Variants in FBXO48 observed in about 807,000 individuals in gnomAD.
The protein encoded by FBXO48 is F-box only protein 48.
In FBXO48, 12 loss-of-function variants were observed where a neutral mutation model predicts 14.3. The ratio of observed to expected loss-of-function variants is 0.84; its 90% confidence interval spans 0.54 to 1.36. FBXO48 has a LOEUF of 1.36. FBXO48 is among the 40% of genes most tolerant of loss of function. FBXO48 has a pLI of 0.00. For missense variants in FBXO48, 177 were observed against 179.1 expected (o/e 0.99, Z 0.07); for synonymous variants, 53 against 61.7 (o/e 0.86, Z 0.66).
chr2:68,465,162 T>A lies in FBXO48; in HGVS notation c.-17A>T, dbSNP rs1268779896. On this transcript the variant is annotated 5_prime_UTR_variant, in exon 3 of 4. Transcript: ENST00000377957. ...TTTATGCATAGCTTAATGTTTTAAG[T>A]TATCCTCATATGTAACCTAAAAGGC... 11 of 1,569,018 alleles carry A rather than the reference T, an allele frequency of 7.0e-6. No individual in the cohort carries two copies. The highest frequency in any genetic ancestry group is 9.5e-6 in the Non-Finnish European group (11 of 1,154,160).
chr2:68,465,156 T>G lies in FBXO48; in HGVS notation c.-11A>C. The G allele has an allele frequency of 8.9e-6, 14 of 1,580,396 alleles. No homozygotes were observed. Among genetic ancestry groups the G allele is most frequent in the Non-Finnish European group, 1.2e-5 (14 of 1,161,118 alleles). ...GGAGTTTTTATGCATAGCTTAATGTTTTAAGTTATCCTCATATGTAACCTA... is the reference window on the plus strand; with the variant it reads ...GGAGTTTTTATGCATAGCTTAATGTGTTAAGTTATCCTCATATGTAACCTA... On this transcript the variant is annotated 5_prime_UTR_variant, in exon 3 of 4. Transcript: ENST00000377957.
chr2:68,465,022 T>C lies in FBXO48; in HGVS notation c.124A>G (p.Ile42Val). 1 of 1,614,020 alleles carries C rather than the reference T, an allele frequency of 6.2e-7. No homozygotes were observed. The highest frequency in any genetic ancestry group is 1.1e-5 in the South Asian group (1 of 91,084). The change falls in exon 3 of 4, where the codon ATC becomes GTC. Residue 42 changes from isoleucine (I) to valine (V), a missense_variant. Transcript: ENST00000377957. ...AGCTGACTGAAAATTTTAAAAGTGA[T>C]TTCTGCAGGCAGCAGTTCAAAAAAG... ...NNFFELLPAE[I>V]TFKIFSQLDI...
rs1675234247 is a variant in FBXO48, at chr2:68,460,539, TA to T, written c.*3669del. 5.3e-5 allele frequency: 6 copies of T among 112,904 alleles called. No individual in the cohort carries two copies. The highest frequency in any genetic ancestry group is 3.2e-4 in the African/African-American group (5 of 15,392). 7.0% of individuals were successfully genotyped at this position (112,904 alleles called of 1,614,324 possible). On this transcript the variant is annotated 3_prime_UTR_variant, in exon 4 of 4. Coordinates refer to ENST00000377957, the MANE Select transcript of FBXO48 (RefSeq NM_001024680.3). Reference sequence around the variant, plus strand: ...ATCTTTGGATATATCAAATATTTTATATATATATATATATACTTATACTATC... The same window carrying T: ...ATCTTTGGATATATCAAATATTTTATTATATATATATATACTTATACTATC...
rs1267860649 is a variant in FBXO48 at position 68,461,359 on chromosome 2, C to A, written c.*2850G>T. On this transcript the variant is annotated 3_prime_UTR_variant, in exon 4 of 4. Transcript: ENST00000377957. ...GGCCGGACTGCGGACTGCAGTGGCG[C>A]AATCTCGGCTCACTGCAAGCTCCGC... The A allele has an allele frequency of 6.9e-6, 1 of 144,174 alleles. No homozygotes were observed. The highest frequency in any genetic ancestry group is 2.8e-5 in the African/African-American group (1 of 36,202). 8.9% of individuals were successfully genotyped at this position (144,174 alleles called of 1,614,324 possible).
rs1675255012 is a variant in FBXO48, at chr2:68,461,282, G to GTTTTTTT, written c.*2926_*2927insAAAAAAA. 6.2e-5 allele frequency: 8 copies of GTTTTTTT among 128,334 alleles called. No individual in the cohort carries two copies. Among genetic ancestry groups the GTTTTTTT allele is most frequent in the African/African-American group, 2.6e-4 (7 of 26,566 alleles). The allele number at this position is 128,334 out of a possible 1,614,324, so 7.9% of individuals were successfully genotyped here. On this transcript the variant is annotated 3_prime_UTR_variant, in exon 4 of 4. Transcript: ENST00000377957. Reference sequence around the variant, plus strand: ...ATTCTCTTACTTAAGATCCGTTTTCGTTTTCTTTTTTTTTTTTTTTTTTTT... The same window carrying GTTTTTTT: ...ATTCTCTTACTTAAGATCCGTTTTCGTTTTTTTTTTTCTTTTTTTTTTTTTTTTTTTT...
chr2:68,464,042 C>T lies in FBXO48; in HGVS notation c.*167G>A. 1 of 598,644 alleles carries T rather than the reference C, an allele frequency of 1.7e-6. No homozygotes were observed. Among genetic ancestry groups the T allele is most frequent in the Non-Finnish European group, 2.8e-6 (1 of 362,278 alleles). 37.1% of individuals were successfully genotyped at this position (598,644 alleles called of 1,614,324 possible). ...TTACAATAAAACCAGAAAAATTTTA[C>T]TAAAGTGCAAAACAAAAATAAAGCT... is the stretch of plus-strand genomic sequence containing the variant. On this transcript the variant is annotated 3_prime_UTR_variant, in exon 4 of 4. Transcript: ENST00000377957.
rs1675258985 is a variant in FBXO48 at position 68,461,317 on chromosome 2, T to A, written c.*2892A>T. On this transcript the variant is annotated 3_prime_UTR_variant, in exon 4 of 4. Coordinates refer to ENST00000377957, the MANE Select transcript of FBXO48 (RefSeq NM_001024680.3). ...TTTTTTTTTTTTTTTTGAGACGGAG[T>A]CTCGCTCTGTCGCCCAGGCCGGACT... 7.9e-6 allele frequency: 1 copy of A among 126,546 alleles called. No homozygotes were observed. The highest frequency in any genetic ancestry group is 1.6e-5 in the Non-Finnish European group (1 of 64,344). The allele number at this position is 126,546 out of a possible 1,614,324, so 7.8% of individuals were successfully genotyped here. A position where few individuals can be genotyped will look rare whatever the true frequency, so the allele number is the denominator to read the frequency against.
rs779332531 is a variant in FBXO48, at chr2:68,465,174, G to A, written c.-29C>T. The A allele has an allele frequency of 3.9e-6, 6 of 1,526,212 alleles. No homozygotes were observed. Among genetic ancestry groups the A allele is most frequent in the Middle Eastern group, 1.8e-4 (1 of 5,430 alleles). The allele number at this position is 1,526,212 out of a possible 1,614,324, so 94.5% of individuals were successfully genotyped here. A position where few individuals can be genotyped will look rare whatever the true frequency, so the allele number is the denominator to read the frequency against. On this transcript the variant is annotated 5_prime_UTR_variant, in exon 3 of 4. Coordinates refer to ENST00000377957, the MANE Select transcript of FBXO48 (RefSeq NM_001024680.3). ...TTAATGTTTTAAGTTATCCTCATAT[G>A]TAACCTAAAAGGCAAAATTTAAACA...
rs752041508 is a variant in FBXO48 at position 68,464,194 on chromosome 2, TG to T, written c.*14del. 6 of 1,610,226 alleles carry T rather than the reference TG, an allele frequency of 3.7e-6. No individual in the cohort carries two copies. The East Asian group carries it at 6.7e-5, about 18-fold the overall frequency. ...TAAACTTTCAAAGACCTGAGATTTG[TG>T]ATTTTTTTTCCCCTTATCTTTCCAG... On this transcript the variant is annotated 3_prime_UTR_variant, in exon 4 of 4. Transcript: ENST00000377957.
intron 1 of FBXO48, among the ~76,000 whole-genome samples, chr2:68,466,928 T>C (rs1463923399): frequency 6.6e-6 from 1 of 152,138 alleles, no homozygotes; most frequent in Non-Finnish European, 1.5e-5. Context: ...GAGGGATAGA[T>C]CGGCGGCAGC....
Position 68,462,840 on chromosome 2 carries a change from G to A in FBXO48, c.*1369C>T. On this transcript the variant is annotated 3_prime_UTR_variant, in exon 4 of 4. Transcript: ENST00000377957. Reference sequence around the variant, plus strand: ...CCTGGTTCTAGAGGGTGGAAGTGGGGCTAGAAGGCAAACGTTACAGAGAGG... The same window carrying A: ...CCTGGTTCTAGAGGGTGGAAGTGGGACTAGAAGGCAAACGTTACAGAGAGG... 6.6e-6 allele frequency: 1 copy of A among 152,420 alleles called. No homozygotes were observed. The highest frequency in any genetic ancestry group is 1.5e-5 in the Non-Finnish European group (1 of 68,098). 9.4% of individuals were successfully genotyped at this position (152,420 alleles called of 1,614,324 possible).
At chr2:68,466,701 TGGAATTCCTGTAACG>T (rs1675425766) in intron 1 of FBXO48, among the ~76,000 whole-genome samples, 1 of 152,112 alleles carries the variant, frequency 6.6e-6, no homozygotes, top group Non-Finnish European at 1.5e-5. Context: ...CGTCCCCTTG[TGGAATTCCTGTAACG>T]GGAATGAAGG....
At chr2:68,465,913 A>C (rs965541461) in intron 2 of FBXO48, among the ~76,000 whole-genome samples, 2 of 152,230 alleles carry the variant, frequency 1.3e-5, no homozygotes, top group Non-Finnish European at 2.9e-5. Flanking sequence ...CAAGAAGATG[A>C]GATCTGGATT....
Position 68,464,841 on chromosome 2 carries a change from C to T in FBXO48, c.305G>A (p.Arg102Lys), listed in dbSNP as rs756921216. 18 of 1,607,492 alleles carry T rather than the reference C, an allele frequency of 1.1e-5. No homozygotes were observed. The Middle Eastern group carries it at 8.3e-4, about 74-fold the overall frequency. The stretch of plus-strand genomic sequence containing the variant: ...GCAGATCGCAAAGATTAAACTTACC[C>T]TCCAGGAATAACCACTTTCTAGATC... ...DDDLESGYSW[R>K]VILLRNYQKS... Residue 102 changes from arginine to lysine, a missense_variant and splice_region_variant, in exon 3 of 4, where the codon AGG becomes AAG. Arg to Lys is a conservative substitution (Grantham distance 26, BLOSUM62 2). Coordinates refer to ENST00000377957, the MANE Select transcript of FBXO48 (RefSeq NM_001024680.3).
Position 68,464,302 on chromosome 2 carries a change from G to A in FBXO48, c.375C>T (p.Asn125=). The A allele has an allele frequency of 6.2e-7, 1 of 1,613,692 alleles. No homozygotes were observed. The change falls in exon 4 of 4, where the codon AAC becomes AAT. Residue 125 remains asparagine, a synonymous_variant. Transcript: ENST00000377957. Reference sequence around the variant, plus strand: ...CTGGTAGGCTAATGGGAGAACAAATGTTGCTGTATCTGCCACTTAGCCATT... The same window carrying A: ...CTGGTAGGCTAATGGGAGAACAAATATTGCTGTATCTGCCACTTAGCCATT... ...KHEWLSGRYS[N]ICSPISLPEK...
chr2:68,465,283 A>T (rs2103855475), intron 2 of FBXO48, 105 bp from the exon 3 acceptor site: 1 of 651,008 alleles, frequency 1.5e-6, no homozygotes, highest in African/African-American at 1.8e-5. Context: ...TCTTGACTTT[A>T]GCTTCTCAAT....
Position 68,464,949 on chromosome 2 carries a change from T to C in FBXO48, c.197A>G (p.Asn66Ser), listed in dbSNP as rs369259812. The C allele has an allele frequency of 7.4e-6, 12 of 1,613,926 alleles. No homozygotes were observed. The highest frequency in any genetic ancestry group is 1.0e-5 in the Non-Finnish European group (12 of 1,180,014). ...CRASLTCRSW[N>S]DTIRNSDSLW... ...AGAGTCACTGTTTCTTATTGTGTCA[T>C]TCCAGCTCCTGCATGTCAATGAAGC... Residue 66 changes from asparagine to serine, a missense_variant, in exon 3 of 4, where the codon AAT (asparagine) becomes AGT (serine). Coordinates refer to ENST00000377957, the MANE Select transcript of FBXO48 (RefSeq NM_001024680.3).
At position 68,461,326 on chromosome 2, in the gene FBXO48, GT is replaced by G. The variant is rs1675259425; in HGVS notation, c.*2882del. The G allele has an allele frequency of 8.4e-6, 1 of 119,746 alleles. No individual in the cohort carries two copies. Among genetic ancestry groups the G allele is most frequent in the Non-Finnish European group, 1.6e-5 (1 of 62,768 alleles). The allele number at this position is 119,746 out of a possible 1,614,324, so 7.4% of individuals were successfully genotyped here. A position where few individuals can be genotyped will look rare whatever the true frequency, so the allele number is the denominator to read the frequency against. Reference sequence around the variant, plus strand: ...TTTTTTTGAGACGGAGTCTCGCTCTGTCGCCCAGGCCGGACTGCGGACTGCA... The same window carrying G: ...TTTTTTTGAGACGGAGTCTCGCTCTGCGCCCAGGCCGGACTGCGGACTGCA... On this transcript the variant is annotated 3_prime_UTR_variant, in exon 4 of 4. Coordinates refer to ENST00000377957, the MANE Select transcript of FBXO48 (RefSeq NM_001024680.3).
chr2:68,464,392 T>TA (rs748525686), intron 3 of FBXO48, 22 bp from the exon 4 acceptor site: 1 of 1,610,692 alleles, frequency 6.2e-7, no homozygotes, highest in Non-Finnish European at 8.5e-7. Context: ...AAATCACCGT[T>TA]AAAAAAGACT....
Sources: gnomAD v4.1 joint callset for allele counts (sites outside exome capture counted in the v4.1 genomes callset) on GRCh38, gnomAD v4.1.1 for gene constraint, MANE v1.5 for transcripts, NCBI Gene and HGNC (gene_info 2026-07-23, HGNC 2026-07-21) for gene names.